FBXO25: variants seen among roughly 807,000 people sequenced by gnomAD.
FBXO25 encodes F-box only protein 25.
In FBXO25, 45 loss-of-function variants were observed where a neutral mutation model predicts 51.9. That is an observed-to-expected ratio of 0.87 (90% CI 0.68 to 1.11). The LOEUF (loss-of-function observed/expected upper bound fraction) is 1.11, where lower values mean the gene tolerates loss of function less well. Ranked by LOEUF, FBXO25 falls within the 50% of genes most tolerant of loss-of-function variation. The pLI is 0.00. For synonymous variants in FBXO25, 199 were observed against 151.0 expected (o/e 1.32, Z -2.33); for missense variants, 507 against 428.5 (o/e 1.18, Z -1.62).
chr8:415,048 T>C lies in FBXO25; in HGVS notation c.134+1835T>C, dbSNP rs551989764. ...TTAACTTTGAACCTAAAATTGATTT[T>C]AAAAAGATAAGACCATATGTAATCA... On this transcript the variant is annotated intron_variant, in intron 2 of 9. Coordinates refer to ENST00000350302, the MANE Select transcript of FBXO25 (RefSeq NM_183420.2). Among the ~76,000 whole-genome samples the C allele has an allele frequency of 2.4e-3, 364 of 152,318 alleles. 1 individual carries two copies. Among genetic ancestry groups the C allele is most frequent in the Non-Finnish European group, 4.0e-3 (275 of 68,028 alleles).
chr8:453,840 TG>T (rs1250059930), intron 7 of FBXO25, among the ~76,000 whole-genome samples: 1 of 152,114 alleles, frequency 6.6e-6, no homozygotes, highest in Non-Finnish European at 1.5e-5. Context: ...TTGACACCCC[TG>T]GCCGGGCGCG....
At chr8:419,342 C>G (rs1354910787) in intron 2 of FBXO25, among the ~76,000 whole-genome samples, 1 of 152,144 alleles carries the variant, frequency 6.6e-6, no homozygotes, top group African/African-American at 2.4e-5. Context: ...GCACTCCAGC[C>G]TGGGCAACAA....
At chr8:410,190 C>G (rs148058223) in intron 1 of FBXO25, among the ~76,000 whole-genome samples, 2,010 of 152,296 alleles carry the variant, frequency 0.013, 38 homozygotes, top group African/African-American at 0.045. Flanking sequence ...GTGGACATAT[C>G]TGTATGTATG....
intron 2 of FBXO25, among the ~76,000 whole-genome samples, chr8:431,037 A>C (rs567981571): frequency 1.3e-5 from 2 of 152,268 alleles, no homozygotes; most frequent in African/African-American, 4.8e-5. Flanking sequence ...CTGGAGTTTT[A>C]ATAGTTGTTT....
intron 5 of FBXO25, among the ~76,000 whole-genome samples, chr8:441,436 C>G (rs1563081309): frequency 1.3e-5 from 2 of 152,172 alleles, no homozygotes; most frequent in African/African-American, 4.8e-5. Flanking sequence ...CTAGGCAGTA[C>G]CATTCAGGAC....
At chr8:457,194 G>T (rs1367826305) in intron 7 of FBXO25, among the ~76,000 whole-genome samples, 1 of 152,198 alleles carries the variant, frequency 6.6e-6, no homozygotes, top group East Asian at 1.9e-4. Flanking sequence ...GCTGAGGCGG[G>T]ACCAGGTAGC....
chr8:453,096 T>G (rs1799195057), intron 7 of FBXO25, among the ~76,000 whole-genome samples: 3 of 152,178 alleles, frequency 2.0e-5, no homozygotes, highest in Non-Finnish European at 4.4e-5. Context: ...TGGCAATACC[T>G]CTCTGCCTCA....
At chr8:415,251 G>A (rs962946261) in intron 2 of FBXO25, among the ~76,000 whole-genome samples, 7 of 152,078 alleles carry the variant, frequency 4.6e-5, no homozygotes, top group Non-Finnish European at 7.4e-5. Flanking sequence ...TTTTGTGAAC[G>A]TGCGTGAAAA....
Position 467,645 on chromosome 8 carries a change from T to A in FBXO25, c.988-1070T>A, listed in dbSNP as rs1409168293. On this transcript the variant is annotated intron_variant, in intron 9 of 9. Transcript: ENST00000350302. ...GAATGCTTAGATACACTCTGGCTCT[T>A]TCTAATCTTAACTTTTCCTTTTTTT... 5 of 1,470,594 alleles carry A rather than the reference T, an allele frequency of 3.4e-6. No individual in the cohort carries two copies. In the African/African-American group the frequency reaches 4.2e-5, roughly 12 times the overall value. 91.1% of individuals were successfully genotyped at this position (1,470,594 alleles called of 1,614,324 possible).
intron 9 of FBXO25, among the ~76,000 whole-genome samples, chr8:467,542 C>T (rs757889645): frequency 1.6e-4 from 24 of 152,174 alleles, no homozygotes; most frequent in Admixed American, 3.3e-4. Flanking sequence ...AACTTGTTTG[C>T]TTTTAATAAC....
chr8:450,466 T>C (rs1318830654), intron 6 of FBXO25, among the ~76,000 whole-genome samples: 1 of 152,250 alleles, frequency 6.6e-6, no homozygotes, highest in Admixed American at 6.5e-5. Context: ...TTTAATGAGC[T>C]TGCCTTGATA....
chr8:437,777 A>G (rs1296807723), intron 5 of FBXO25, among the ~76,000 whole-genome samples: 1 of 150,130 alleles, frequency 6.7e-6, no homozygotes, highest in Non-Finnish European at 1.5e-5. Flanking sequence ...TGCATTTATC[A>G]TACATACTGT....
At chr8:407,656 G>T (rs1301404685) in intron 1 of FBXO25, among the ~76,000 whole-genome samples, 1 of 151,974 alleles carries the variant, frequency 6.6e-6, no homozygotes, top group Non-Finnish European at 1.5e-5. Context: ...CTCCGGGCTC[G>T]GTCCTTGCCT....
chr8:473,397 G>C lies in FBXO25; in HGVS notation c.*4593G>C, dbSNP rs1800544708. On this transcript the variant is annotated 3_prime_UTR_variant, in exon 10 of 10. Coordinates refer to ENST00000350302, the MANE Select transcript of FBXO25 (RefSeq NM_183420.2). ...CAGCAGTCCTCTCTAAACTCAGGCA[G>C]TGTATGGCTGCTGCCATTCTCGCCC... 6.6e-6 allele frequency: 1 copy of C among 152,402 alleles called. No individual in the cohort carries two copies. The highest frequency in any genetic ancestry group is 1.5e-5 in the Non-Finnish European group (1 of 68,188). 9.4% of individuals were successfully genotyped at this position (152,402 alleles called of 1,614,324 possible).
At position 446,752 on chromosome 8, in the gene FBXO25, G is replaced by A. The variant is rs370034923; in HGVS notation, c.382-3238G>A. Among the ~76,000 whole-genome samples, 22 of 152,292 alleles carry A rather than the reference G, an allele frequency of 1.4e-4. No homozygotes were observed. In the East Asian group the frequency reaches 4.2e-3, roughly 29 times the overall value. On this transcript the variant is annotated intron_variant, in intron 5 of 9. Transcript: ENST00000350302. ...TCTGGCCAGTGCCCTCAACTGGTGT[G>A]TTTTAGTGTAAGATATTTTTATGTA...
chr8:467,540 T>G (rs1295046847), intron 9 of FBXO25, among the ~76,000 whole-genome samples: 1 of 152,254 alleles, frequency 6.6e-6, no homozygotes, highest in Non-Finnish European at 1.5e-5. Flanking sequence ...AGAACTTGTT[T>G]GCTTTTAATA....
intron 2 of FBXO25, among the ~76,000 whole-genome samples, chr8:431,138 G>C (rs936179372): frequency 4.6e-5 from 7 of 152,254 alleles, no homozygotes; most frequent in African/African-American, 1.7e-4. Flanking sequence ...TCTAAAACAT[G>C]TTCAGCACTT....
chr8:452,056 C>T (rs185094733), intron 7 of FBXO25, among the ~76,000 whole-genome samples: 43 of 152,254 alleles, frequency 2.8e-4, no homozygotes, highest in African/African-American at 5.8e-4. Context: ...TATATCTTAG[C>T]GGTGTGCCTT....
At chr8:431,930 C>G (rs995965421) in intron 3 of FBXO25, among the ~76,000 whole-genome samples, 8 of 152,114 alleles carry the variant, frequency 5.3e-5, no homozygotes, top group Non-Finnish European at 2.9e-5. Context: ...ATAGTAGGCT[C>G]CCTTACCTCA....
Sources: gnomAD v4.1 joint callset for allele counts (sites outside exome capture counted in the v4.1 genomes callset) on GRCh38, gnomAD v4.1.1 for gene constraint, MANE v1.5 for transcripts, NCBI Gene and HGNC (gene_info 2026-07-23, HGNC 2026-07-21) for gene names.